SHTN1: variants seen among roughly 807,000 people sequenced by gnomAD.
SHTN1 encodes shootin-1.
In SHTN1, 42 loss-of-function variants were observed where a neutral mutation model predicts 83.1. The ratio of observed to expected loss-of-function variants is 0.51; its 90% CI spans 0.39 to 0.65. The LOEUF (loss-of-function observed/expected upper bound fraction) is 0.65, where lower values mean the gene tolerates loss of function less well. Among genes scored for constraint, SHTN1 ranks in the 30% least tolerant of loss-of-function variants. The probability of loss-of-function intolerance (pLI) is 0.00; values close to 1 mark genes in which losing one functional copy is unlikely to be tolerated. For missense variants in SHTN1, 622 were observed against 737.8 expected (o/e 0.84, Z 1.82); for synonymous variants, 224 against 247.7 (o/e 0.90, Z 0.90).
intron 9 of SHTN1, among the ~76,000 whole-genome samples, chr10:116,938,766 GC>G (rs1286630977): frequency 6.6e-6 from 1 of 152,162 alleles, no homozygotes; most frequent in Non-Finnish European, 1.5e-5. Context: ...TGTGCCCACA[GC>G]CGCCTCTTTC....
intron 1 of SHTN1, among the ~76,000 whole-genome samples, chr10:117,061,441 G>A (rs1320344700): frequency 6.6e-6 from 1 of 151,756 alleles, no homozygotes; most frequent in African/African-American, 2.4e-5. Flanking sequence ...CAGGCGATCC[G>A]CCCGCCTTGG....
intron 2 of SHTN1, among the ~76,000 whole-genome samples, chr10:116,973,216 G>A (rs545955629): frequency 2.9e-4 from 44 of 152,220 alleles, no homozygotes; most frequent in African/African-American, 1.1e-3. Flanking sequence ...TCTGTTGTAC[G>A]TATACGTTAT....
intron 1 of SHTN1, among the ~76,000 whole-genome samples, chr10:117,078,371 C>T (rs919315562): frequency 6.6e-6 from 1 of 152,142 alleles, no homozygotes; most frequent in African/African-American, 2.4e-5. Flanking sequence ...GTGGCCACCA[C>T]TAGTTTTCCT....
chr10:117,098,879 A>G (rs1853545774), intron 1 of SHTN1, among the ~76,000 whole-genome samples: 1 of 152,198 alleles, frequency 6.6e-6, no homozygotes, highest in Non-Finnish European at 1.5e-5. Context: ...GAGATAAAGA[A>G]TAACTGTCTC....
At chr10:116,944,669 G>A (rs560854765) in intron 8 of SHTN1, among the ~76,000 whole-genome samples, 3 of 151,988 alleles carry the variant, frequency 2.0e-5, no homozygotes, top group Non-Finnish European at 4.4e-5. Context: ...AAGGCGAGCA[G>A]ATCACGAGAT....
chr10:117,069,504 G>A (rs989260074), intron 1 of SHTN1, among the ~76,000 whole-genome samples: 7 of 151,998 alleles, frequency 4.6e-5, no homozygotes, highest in Admixed American at 2.0e-4. Flanking sequence ...AAGAAAGGGC[G>A]GCCTCCCTTA....
chr10:117,068,610 T>C (rs1853038137), intron 1 of SHTN1, among the ~76,000 whole-genome samples: 1 of 148,392 alleles, frequency 6.7e-6, no homozygotes, highest in Non-Finnish European at 1.5e-5. Flanking sequence ...TGAGACTCCA[T>C]CTGAAAAAAA....
chr10:117,020,389 C>T (rs1353859096), intron 2 of SHTN1, among the ~76,000 whole-genome samples: 1 of 150,934 alleles, frequency 6.6e-6, no homozygotes, highest in Non-Finnish European at 1.5e-5. Flanking sequence ...ATCCCAGCTA[C>T]TCAGGAGGCT....
chr10:116,911,047 C>T (rs553961706), intron 14 of SHTN1, among the ~76,000 whole-genome samples: 2 of 152,326 alleles, frequency 1.3e-5, no homozygotes, highest in East Asian at 3.9e-4. Flanking sequence ...CCTCCGCCCC[C>T]ATGTTTGTTG....
At chr10:117,069,680 G>C (rs542516506) in intron 1 of SHTN1, among the ~76,000 whole-genome samples, 95 of 152,256 alleles carry the variant, frequency 6.2e-4, no homozygotes, top group African/African-American at 2.0e-3. Context: ...CACTCTGCTT[G>C]TTTCCTCTCT....
intron 1 of SHTN1, among the ~76,000 whole-genome samples, chr10:117,086,293 T>C (rs1853351839): frequency 6.6e-6 from 1 of 152,248 alleles, no homozygotes; most frequent in African/African-American, 2.4e-5. Context: ...CACAGCATTA[T>C]CTTTCTCCAT....
At chr10:116,975,613 TCAAA>T (rs1190176841) in intron 2 of SHTN1, among the ~76,000 whole-genome samples, 4 of 150,196 alleles carry the variant, frequency 2.7e-5, no homozygotes, top group Admixed American at 6.6e-5. Flanking sequence ...CCTTATAAAC[TCAAA>T]CAAATTGACT....
chr10:116,886,479 T>G lies in SHTN1; in HGVS notation c.1761A>C (p.Thr587=). The part of the protein sequence containing the change: ...EPVVVLDPVS[T]HEPQTKDQVA... Reference sequence around the variant, plus strand: ...CCTGGTCTTTGGTTTGGGGTTCATGTGTAGAAACAGGATCTAAAACTACAA... The same window carrying G: ...CCTGGTCTTTGGTTTGGGGTTCATGGGTAGAAACAGGATCTAAAACTACAA... The change falls in exon 17 of 17, where the codon ACA becomes ACC. Residue 587 remains threonine, a synonymous_variant. Transcript: ENST00000355371. 1 of 1,614,168 alleles carries G rather than the reference T, an allele frequency of 6.2e-7. No individual in the cohort carries two copies. The highest frequency in any genetic ancestry group is 8.5e-7 in the Non-Finnish European group (1 of 1,180,006).
chr10:117,084,925 C>T (rs1853328227), intron 1 of SHTN1, among the ~76,000 whole-genome samples: 4 of 152,254 alleles, frequency 2.6e-5, no homozygotes, highest in South Asian at 4.1e-4. Flanking sequence ...CACTGACCTG[C>T]GCCCACTGTC....
At chr10:116,997,953 A>G (rs1205501257) in intron 1 of SHTN1, among the ~76,000 whole-genome samples, 1 of 152,150 alleles carries the variant, frequency 6.6e-6, no homozygotes, top group African/African-American at 2.4e-5. Flanking sequence ...TTAGTCAGGC[A>G]TGGTGGCGGG....
Position 116,886,401 on chromosome 10 carries a change from T to G in SHTN1, c.1839A>C (p.Pro613=). ...QHKEDEGEIQ[P]ENKEDSIENV... is the part of the protein sequence containing the mutation. ...TTTCAATGCTGTCTTCTTTGTTTTC[T>G]GGTTGAATTTCGCCTTCATCCTCCT... The change falls in exon 17 of 17, where the codon CCA becomes CCC. Residue 613 remains proline, a synonymous_variant. Coordinates refer to ENST00000355371, the MANE Select transcript of SHTN1 (RefSeq NM_001127211.3). 2 of 1,581,594 alleles carry G rather than the reference T, an allele frequency of 1.3e-6. No homozygotes were observed. The highest frequency in any genetic ancestry group is 1.7e-6 in the Non-Finnish European group (2 of 1,161,560).
At chr10:116,889,926 A>G (rs1847282980) in intron 16 of SHTN1, among the ~76,000 whole-genome samples, 1 of 151,632 alleles carries the variant, frequency 6.6e-6, no homozygotes, top group South Asian at 2.1e-4. Context: ...GCTGCCCAAG[A>G]CTCCTTCTGG....
chr10:116,981,576 T>C (rs372111490), intron 1 of SHTN1, among the ~76,000 whole-genome samples: 168 of 152,364 alleles, frequency 1.1e-3, no homozygotes, highest in African/African-American at 3.9e-3. Flanking sequence ...TGATCCCACA[T>C]CTTACTACTG....
chr10:117,036,362 T>C (rs989317443), intron 2 of SHTN1, among the ~76,000 whole-genome samples: 1 of 152,142 alleles, frequency 6.6e-6, no homozygotes, highest in Non-Finnish European at 1.5e-5. Flanking sequence ...CTGTTTGCAA[T>C]AGCCAAGATT....
Sources: allele counts gnomAD v4.1 joint callset (sites outside exome capture counted in the v4.1 genomes callset), GRCh38; gene constraint gnomAD v4.1.1; transcripts MANE v1.5; gene names NCBI Gene and HGNC (gene_info 2026-07-23, HGNC 2026-07-21).